The following FARP1 variants were observed in gnomAD, a reference collection of about 807,000 sequenced individuals.
FARP1 encodes the protein FERM, ARHGEF and pleckstrin domain-containing protein 1.
A neutral mutation model predicts 128.8 loss-of-function variants in FARP1; 52 were observed. The ratio of observed to expected loss-of-function variants is 0.40; its 90% CI spans 0.32 to 0.51. The LOEUF is 0.51. Among genes scored for constraint, FARP1 ranks in the 20% least tolerant of loss-of-function variants. The pLI is 0.45. For missense variants in FARP1, 1,333 were observed against 1,367.9 expected, an observed-to-expected ratio of 0.97 and a Z score of 0.40; for synonymous variants, 580 against 551.8, an observed-to-expected ratio of 1.05 and a Z score of -0.72.
chr13:98,262,438 A>ACT (rs1190195317), intron 2 of FARP1, among the ~76,000 whole-genome samples: 2 of 151,998 alleles, frequency 1.3e-5, no homozygotes, highest in Admixed American at 1.3e-4. Flanking sequence ...GCCTGTGAAT[A>ACT]TGGTTTTTCT....
At chr13:98,364,524 G>A (rs7320929) in intron 3 of FARP1, among the ~76,000 whole-genome samples, 2,810 of 152,216 alleles carry the variant, frequency 0.018, 88 homozygotes, top group African/African-American at 0.062. Flanking sequence ...CTAAAGGGCT[G>A]TTTCTCGTTT....
chr13:98,244,421 C>T lies in FARP1; in HGVS notation c.171+31008C>T. 2.9e-6 allele frequency: 4 copies of T among 1,382,970 alleles called. No individual in the cohort carries two copies. In the East Asian group the frequency reaches 9.7e-5, roughly 34 times the overall value. The allele number at this position is 1,382,970 out of a possible 1,614,324, so 85.7% of individuals were successfully genotyped here. A position where few individuals can be genotyped will look rare whatever the true frequency, so the allele number is the denominator to read the frequency against. ...ACTTTGCTGTGTCTCTTTATTGTTA[C>T]TGTTTTTTAAAAAACAACAACAAAA... On this transcript the variant is annotated intron_variant, in intron 2 of 26. Transcript: ENST00000319562.
At chr13:98,390,508 A>T in intron 10 of FARP1, 1 of 444,056 alleles carries the variant, frequency 2.3e-6, no homozygotes, top group South Asian at 4.3e-5. Flanking sequence ...CACTGAGCCC[A>T]GTGATCCCTG....
At chr13:98,206,064 T>C (rs1338493442) in intron 1 of FARP1, among the ~76,000 whole-genome samples, 1 of 152,178 alleles carries the variant, frequency 6.6e-6, no homozygotes, top group East Asian at 1.9e-4. Context: ...GTAAAGGTTT[T>C]TTTGTTTGTT....
At chr13:98,410,450 A>C (rs1891148325) in intron 14 of FARP1, among the ~76,000 whole-genome samples, 1 of 152,212 alleles carries the variant, frequency 6.6e-6, no homozygotes, top group Admixed American at 6.5e-5. Context: ...TTTACCTGGA[A>C]GGAAACCTTC....
chr13:98,384,812 G>A lies in FARP1; in HGVS notation c.579G>A (p.Glu193=). 6.2e-7 allele frequency: 1 copy of A among 1,613,100 alleles called. No individual in the cohort carries two copies. The highest frequency in any genetic ancestry group is 1.6e-4 in the Middle Eastern group (1 of 6,062). The change falls in exon 7 of 27, where the codon GAG becomes GAA. Residue 193 remains glutamate (E), a synonymous_variant. Transcript: ENST00000319562. ...ACATACCTCAGCAAGACGCACTAGA[G>A]GACAAAATCGTGGAATTTCACCATA... The part of the protein sequence containing the change: ...NKYIPQQDAL[E]DKIVEFHHNH...
At chr13:98,245,397 C>A in intron 2 of FARP1, 2 of 969,426 alleles carry the variant, frequency 2.1e-6, no homozygotes, top group Non-Finnish European at 2.5e-6. Context: ...TTTTCAGCTC[C>A]CATGTTCAGT....
At chr13:98,256,341 A>C (rs1022486240) in intron 2 of FARP1, among the ~76,000 whole-genome samples, 6 of 152,160 alleles carry the variant, frequency 3.9e-5, no homozygotes, top group Non-Finnish European at 5.9e-5. Context: ...AGATCTGTGA[A>C]ATATATGTGC....
chr13:98,177,256 A>G, intron 1 of FARP1: 1 of 1,529,150 alleles, frequency 6.5e-7, no homozygotes, highest in Non-Finnish European at 8.8e-7. Context: ...TCAGGCTCCC[A>G]ACGGCCGTGG....
At position 98,454,313 on chromosome 13, in the gene FARP1, G is replaced by A. The variant is rs149154766; in HGVS notation, c.*5996G>A. 121 of 152,224 alleles carry A rather than the reference G, an allele frequency of 7.9e-4. 1 individual carries two copies. The highest frequency in any genetic ancestry group is 2.8e-3 in the African/African-American group (117 of 41,520). 9.4% of individuals were successfully genotyped at this position (152,224 alleles called of 1,614,324 possible). A position where few individuals can be genotyped will look rare whatever the true frequency, so the allele number is the denominator to read the frequency against. On this transcript the variant is annotated 3_prime_UTR_variant, in exon 27 of 27. Transcript: ENST00000319562. Reference sequence around the variant, plus strand: ...AGAAGACAACAAAGGGTGAGAACGGGGTCCCCTCATGACCACAATTCCCTC... The same window carrying A: ...AGAAGACAACAAAGGGTGAGAACGGAGTCCCCTCATGACCACAATTCCCTC...
At chr13:98,447,210 G>T in intron 26 of FARP1, 1 of 162,324 alleles carries the variant, frequency 6.2e-6, no homozygotes, top group Admixed American at 6.3e-5. Flanking sequence ...TTCATATTTT[G>T]AATAGAGATC....
rs542433684 is a variant in FARP1, at chr13:98,271,800, T to G, written c.171+58387T>G. ...GTATATGTGCCACATTTTCTTTATC[T>G]AATCTATCACTGATTTGATAGACTG... On this transcript the variant is annotated intron_variant, in intron 2 of 26. Transcript: ENST00000319562. 3.3e-5 allele frequency among the ~76,000 whole-genome samples: 5 copies of G among 152,258 alleles called. No individual in the cohort carries two copies. In the East Asian group the frequency reaches 7.7e-4, roughly 23 times the overall value.
chr13:98,270,618 A>G (rs1267719482), intron 2 of FARP1, among the ~76,000 whole-genome samples: 1 of 152,192 alleles, frequency 6.6e-6, no homozygotes, highest in Non-Finnish European at 1.5e-5. Context: ...ATGAGTTTGC[A>G]GATACCAGCT....
chr13:98,264,595 A>G (rs1489374057), intron 2 of FARP1, among the ~76,000 whole-genome samples: 1 of 152,226 alleles, frequency 6.6e-6, no homozygotes, highest in East Asian at 1.9e-4. Context: ...AAGAGAAGCC[A>G]TGAAGTCCTT....
At chr13:98,240,590 G>T (rs1882710490) in intron 2 of FARP1, among the ~76,000 whole-genome samples, 1 of 152,196 alleles carries the variant, frequency 6.6e-6, no homozygotes, top group Admixed American at 6.5e-5. Flanking sequence ...GGTAGAAAAA[G>T]AAAACATTAG....
intron 2 of FARP1, among the ~76,000 whole-genome samples, chr13:98,244,255 C>G (rs1404732176): frequency 6.6e-6 from 1 of 152,162 alleles, no homozygotes; most frequent in Admixed American, 6.5e-5. Flanking sequence ...TTCTACCCCA[C>G]TTCCTAGCTT....
chr13:98,272,810 AGT>A (rs1884452379), intron 2 of FARP1, among the ~76,000 whole-genome samples: 1 of 152,222 alleles, frequency 6.6e-6, no homozygotes, highest in Non-Finnish European at 1.5e-5. Context: ...TTGGGCTCAG[AGT>A]GGGGCCATGG....
intron 2 of FARP1, among the ~76,000 whole-genome samples, chr13:98,215,098 G>A (rs1351405307): frequency 6.6e-6 from 1 of 152,174 alleles, no homozygotes; most frequent in African/African-American, 2.4e-5. Flanking sequence ...CTCACCTGCA[G>A]TTCTTCTTGA....
chr13:98,208,785 C>T (rs1253658175), intron 1 of FARP1, among the ~76,000 whole-genome samples: 2 of 152,118 alleles, frequency 1.3e-5, no homozygotes, highest in Non-Finnish European at 2.9e-5. Flanking sequence ...GGATGTGATC[C>T]CATAGTTTCT....
Sources: allele counts gnomAD v4.1 joint callset (sites outside exome capture counted in the v4.1 genomes callset), GRCh38; gene constraint gnomAD v4.1.1; transcripts MANE v1.5; gene names NCBI Gene and HGNC (gene_info 2026-07-23, HGNC 2026-07-21).